Variants in ANKRD17 observed in about 807,000 individuals in gnomAD.
ANKRD17 encodes ankyrin repeat domain 17.
A neutral mutation model predicts 229.7 loss-of-function variants in ANKRD17; 19 were observed. The ratio of observed to expected loss-of-function variants is 0.08; its 90% CI spans 0.06 to 0.12. ANKRD17 has a LOEUF of 0.12. ANKRD17 is among the 10% of genes least tolerant of loss of function. The probability of loss-of-function intolerance (pLI) is 1.00; values close to 1 mark genes in which losing one functional copy is unlikely to be tolerated. For missense variants in ANKRD17, 2,176 were observed against 3,176.8 expected (o/e 0.68, Z 7.57); for synonymous variants, 1,112 against 1,146.1 (o/e 0.97, Z 0.60).
chr4:73,197,718 C>A (rs1421506588), intron 1 of ANKRD17, among the ~76,000 whole-genome samples: 1 of 151,870 alleles, frequency 6.6e-6, no homozygotes. Flanking sequence ...CTCCTATAGT[C>A]CCAGCTACTC....
chr4:73,227,716 A>T (rs1200086095), intron 1 of ANKRD17, among the ~76,000 whole-genome samples: 1 of 152,168 alleles, frequency 6.6e-6, no homozygotes, highest in African/African-American at 2.4e-5. Flanking sequence ...CTCAGTAAAT[A>T]CCTAGATTGA....
At chr4:73,079,236 A>G (rs531280393) in intron 30 of ANKRD17, among the ~76,000 whole-genome samples, 1 of 152,352 alleles carries the variant, frequency 6.6e-6, no homozygotes, top group South Asian at 2.1e-4. Context: ...ATGGGTAAGA[A>G]TCACTGCCTG....
At position 73,153,832 on chromosome 4, in the gene ANKRD17, A is replaced by G. The variant is rs562436459; in HGVS notation, c.1234+48T>C. The G allele has an allele frequency of 5.8e-6, 7 of 1,216,268 alleles. No homozygotes were observed. The South Asian group carries it at 1.5e-4, about 26-fold the overall frequency. The allele number at this position is 1,216,268 out of a possible 1,614,324, so 75.3% of individuals were successfully genotyped here. A position where few individuals can be genotyped will look rare whatever the true frequency, so the allele number is the denominator to read the frequency against. On this transcript the variant is annotated intron_variant, in intron 6 of 33. Transcript: ENST00000358602. ...AAACAAGATTACATAAAATAATTAT[A>G]ATTTCACATATTTAAAAACTTTGTT... is the stretch of plus-strand genomic sequence containing the variant.
Position 73,114,451 on chromosome 4 carries a change from T to G in ANKRD17, c.4285-543A>C, listed in dbSNP as rs1446587560. Among the ~76,000 whole-genome samples, 3 of 150,454 alleles carry G rather than the reference T, an allele frequency of 2.0e-5. No homozygotes were observed. The East Asian group carries it at 5.9e-4, about 30-fold the overall frequency. On this transcript the variant is annotated intron_variant, in intron 23 of 33. Coordinates refer to ENST00000358602, the MANE Select transcript of ANKRD17 (RefSeq NM_032217.5). Reference sequence around the variant, plus strand: ...TACTTCCTTATTTTTATAAAATTTTTATTTATTTAATTTTAGAGATAGGGG... The same window carrying G: ...TACTTCCTTATTTTTATAAAATTTTGATTTATTTAATTTTAGAGATAGGGG...
intron 1 of ANKRD17, among the ~76,000 whole-genome samples, chr4:73,254,073 GA>G (rs1745249725): frequency 6.6e-6 from 1 of 152,174 alleles, no homozygotes; most frequent in South Asian, 2.1e-4. Context: ...CATCAATTAA[GA>G]GATGAAACAA....
chr4:73,119,684 A>C (rs1578107313), intron 21 of ANKRD17, among the ~76,000 whole-genome samples: 1 of 152,228 alleles, frequency 6.6e-6, no homozygotes, highest in Admixed American at 6.5e-5. Context: ...TAAACAGACA[A>C]GCATCTTTGG....
chr4:73,255,353 T>C (rs912936080), intron 1 of ANKRD17, among the ~76,000 whole-genome samples: 2 of 152,264 alleles, frequency 1.3e-5, no homozygotes, highest in Non-Finnish European at 2.9e-5. Flanking sequence ...AAATTAAAGT[T>C]ATCCTTTCAG....
At chr4:73,215,637 G>C (rs1474759357) in intron 1 of ANKRD17, among the ~76,000 whole-genome samples, 1 of 152,086 alleles carries the variant, frequency 6.6e-6, no homozygotes, top group East Asian at 1.9e-4. Context: ...AATCATACAT[G>C]GTTTTGATAA....
At chr4:73,179,377 A>T (rs890563339) in intron 1 of ANKRD17, among the ~76,000 whole-genome samples, 1 of 147,636 alleles carries the variant, frequency 6.8e-6, no homozygotes, top group South Asian at 2.1e-4. Flanking sequence ...TACAAAAACA[A>T]TTTTTTAAAA....
In ANKRD17 at chr4:73,258,683, G is replaced by A; in HGVS notation, c.-15C>T. 8.3e-6 allele frequency: 12 copies of A among 1,452,888 alleles called. No individual in the cohort carries two copies. Among genetic ancestry groups the A allele is most frequent in the Non-Finnish European group, 1.1e-5 (12 of 1,113,024 alleles). 90.0% of individuals were successfully genotyped at this position (1,452,888 alleles called of 1,614,324 possible). On this transcript the variant is annotated 5_prime_UTR_variant, in exon 1 of 34. Transcript: ENST00000358602. ...GCCTTCTCCATCCCCAGGGAAAGAG[G>A]GAGGGCGCGGACGGGGGAGGGGCGT...
In ANKRD17 at chr4:73,148,793, G is replaced by A. The variant is rs781485579; in HGVS notation, c.1567+20C>T. The stretch of plus-strand genomic sequence containing the variant: ...AGGTTTTACACATTTATACTTTAGT[G>A]TCTTGATAGATACGGTTACCTTGAC... On this transcript the variant is annotated intron_variant, in intron 8 of 33. Coordinates refer to ENST00000358602, the MANE Select transcript of ANKRD17 (RefSeq NM_032217.5). 1.9e-6 allele frequency: 3 copies of A among 1,593,214 alleles called. No homozygotes were observed. The highest frequency in any genetic ancestry group is 1.1e-5 in the South Asian group (1 of 90,586).
In ANKRD17 at chr4:73,091,752, A is replaced by C; in HGVS notation, c.5876T>G (p.Val1959Gly). ...TGAAGTTAAAGAACCTGCTGAATTC[A>C]CCTGAGAACCACTGCTATTCTGATT... ...HSNQNSSGSQ[V>G]NSAGSLTSSP... The change falls in exon 29 of 34, where the codon GTG becomes GGG. Residue 1959 changes from valine (V) to glycine (G), a missense_variant. Val to Gly is a moderately radical substitution (Grantham distance 109). This residue lies in a region of ANKRD17 where 424 missense variants were observed against 454.0 expected (regional missense o/e 0.93). Coordinates refer to ENST00000358602, the MANE Select transcript of ANKRD17 (RefSeq NM_032217.5). 1 of 1,614,120 alleles carries C rather than the reference A, an allele frequency of 6.2e-7. No homozygotes were observed. Among genetic ancestry groups the C allele is most frequent in the Non-Finnish European group, 8.5e-7 (1 of 1,180,018 alleles).
chr4:73,098,744 G>A (rs1444546150), intron 25 of ANKRD17: 1 of 967,330 alleles, frequency 1.0e-6, no homozygotes. Context: ...TATTTTGGGG[G>A]GCATTTCTGG....
At chr4:73,168,604 C>A (rs983311225) in intron 2 of ANKRD17, among the ~76,000 whole-genome samples, 4 of 152,140 alleles carry the variant, frequency 2.6e-5, no homozygotes, top group African/African-American at 9.7e-5. Flanking sequence ...TCTCATTATT[C>A]AGTTATTCAC....
At chr4:73,199,869 C>T (rs907765909) in intron 1 of ANKRD17, among the ~76,000 whole-genome samples, 1 of 152,106 alleles carries the variant, frequency 6.6e-6, no homozygotes, top group Non-Finnish European at 1.5e-5. Context: ...AGTATATGTC[C>T]TTTCTGAAAC....
At chr4:73,141,715 A>G in intron 14 of ANKRD17, 26 bp downstream of exon 14, 1 of 1,589,484 alleles carries the variant, frequency 6.3e-7, no homozygotes, top group Non-Finnish European at 8.6e-7. Context: ...ACCAAGTAAG[A>G]AACAGTCTTT....
In ANKRD17 at chr4:73,155,654, T is replaced by C; in HGVS notation, c.977A>G (p.Asp326Gly). ...IVKLLLAHKA[D>G]VNAQSSTGNT... is the part of the protein sequence containing the mutation. The stretch of plus-strand genomic sequence containing the variant: ...ACCTGTTGAAGACTGTGCATTAACA[T>C]CTGCTTTATGAGCTAGCAGCAACTT... The change falls in exon 5 of 34, where the codon GAT becomes GGT. Residue 326 changes from aspartate (D) to glycine (G), a missense_variant. Transcript: ENST00000358602. 1 of 1,614,134 alleles carries C rather than the reference T, an allele frequency of 6.2e-7. No homozygotes were observed. The highest frequency in any genetic ancestry group is 8.5e-7 in the Non-Finnish European group (1 of 1,180,016).
intron 1 of ANKRD17, among the ~76,000 whole-genome samples, chr4:73,189,368 T>A (rs979230050): frequency 2.0e-5 from 3 of 149,114 alleles, no homozygotes; most frequent in Non-Finnish European, 4.5e-5. Context: ...ATAAAATTAA[T>A]CATACATATA....
At chr4:73,114,055 C>T (rs966741326) in intron 23 of ANKRD17, 147 bp from the exon 24 acceptor site, 8 of 546,696 alleles carry the variant, frequency 1.5e-5, no homozygotes, top group African/African-American at 3.7e-5. Flanking sequence ...CAAATAAAAA[C>T]GTAATTGACA....
Sources: gnomAD v4.1 joint callset for allele counts (sites outside exome capture counted in the v4.1 genomes callset) on GRCh38, gnomAD v4.1.1 for gene constraint, gnomAD v4.1.1 regional missense constraint, MANE v1.5 for transcripts, NCBI Gene and HGNC (gene_info 2026-07-23, HGNC 2026-07-21) for gene names.